NRG3: variants seen among roughly 807,000 people sequenced by gnomAD.
The protein encoded by NRG3 is neuregulin 3.
NRG3 carries 31 observed loss-of-function variants against 66.9 expected under a neutral mutation model. The observed-to-expected ratio is 0.46, with a 90% CI of 0.35 to 0.63. The LOEUF is 0.63. Ranked by LOEUF, NRG3 falls within the 20% of genes least tolerant of loss-of-function variation. NRG3 has a pLI of 0.00. For missense variants in NRG3, 910 were observed against 878.9 expected, an observed-to-expected ratio of 1.04 and a Z score of -0.45; for synonymous variants, 393 against 359.4, an observed-to-expected ratio of 1.09 and a Z score of -1.06.
At chr10:81,931,898 A>G (rs1847384097) in intron 1 of NRG3, among the ~76,000 whole-genome samples, 1 of 152,204 alleles carries the variant, frequency 6.6e-6, no homozygotes, top group African/African-American at 2.4e-5. Flanking sequence ...CAATGCCATT[A>G]CATCTCCCAT....
chr10:82,907,881 T>C (rs1439834353), intron 4 of NRG3, among the ~76,000 whole-genome samples: 3 of 152,184 alleles, frequency 2.0e-5, no homozygotes, highest in African/African-American at 7.2e-5. Context: ...AAATATATAT[T>C]GATCAAAGCA....
chr10:82,697,860 GGAC>G (rs2055518858), intron 2 of NRG3, among the ~76,000 whole-genome samples: 1 of 152,016 alleles, frequency 6.6e-6, no homozygotes, highest in African/African-American at 2.4e-5. Flanking sequence ...TGCGTTTCTG[GGAC>G]CCGTCAGTAT....
chr10:82,053,748 A>G (rs1474012276), intron 1 of NRG3, among the ~76,000 whole-genome samples: 1 of 152,226 alleles, frequency 6.6e-6, no homozygotes, highest in African/African-American at 2.4e-5. Flanking sequence ...TTGTAAGGAC[A>G]TAAACATTGT....
At chr10:82,270,432 G>T (rs1017415461) in intron 1 of NRG3, among the ~76,000 whole-genome samples, 8 of 152,068 alleles carry the variant, frequency 5.3e-5, no homozygotes, top group African/African-American at 1.9e-4. Context: ...GACTTTCCTT[G>T]TACTGAGGGC....
At chr10:82,735,615 G>A (rs1382880069) in intron 2 of NRG3, among the ~76,000 whole-genome samples, 1 of 152,154 alleles carries the variant, frequency 6.6e-6, no homozygotes, top group Admixed American at 6.5e-5. Flanking sequence ...CAGGGACATG[G>A]ATGAAGCTAG....
chr10:82,838,035 T>G (rs1429036348), intron 3 of NRG3, among the ~76,000 whole-genome samples: 2 of 152,158 alleles, frequency 1.3e-5, no homozygotes, highest in Non-Finnish European at 2.9e-5. Context: ...ATGCTTAATT[T>G]GAAAGAGTTG....
intron 2 of NRG3, among the ~76,000 whole-genome samples, chr10:82,635,477 T>G (rs2050129484): frequency 6.6e-6 from 1 of 151,908 alleles, no homozygotes; most frequent in African/African-American, 2.4e-5. Context: ...TCCTGTCTTC[T>G]GAGGGTGCTG....
chr10:82,832,389 C>T (rs1299637963), intron 3 of NRG3, among the ~76,000 whole-genome samples: 1 of 152,158 alleles, frequency 6.6e-6, no homozygotes, highest in Non-Finnish European at 1.5e-5. Context: ...GTACTCTTTT[C>T]CTTAAACCCC....
intron 2 of NRG3, among the ~76,000 whole-genome samples, chr10:82,411,582 G>T (rs1024688806): frequency 2.6e-5 from 4 of 152,106 alleles, no homozygotes; most frequent in African/African-American, 9.7e-5. Flanking sequence ...GAAAACTCCA[G>T]CCTAATCTTT....
chr10:82,132,808 G>T (rs541404686), intron 1 of NRG3, among the ~76,000 whole-genome samples: 1 of 151,154 alleles, frequency 6.6e-6, no homozygotes, highest in Non-Finnish European at 1.5e-5. Flanking sequence ...TTGGTAGGTT[G>T]TATGTATCTA....
At chr10:82,860,938 G>A (rs548203695) in intron 3 of NRG3, among the ~76,000 whole-genome samples, 15 of 152,248 alleles carry the variant, frequency 9.9e-5, no homozygotes, top group African/African-American at 3.4e-4. Context: ...TGCTTGCTTT[G>A]AGAAATAGCC....
chr10:82,142,921 A>G (rs1034176181), intron 1 of NRG3, among the ~76,000 whole-genome samples: 167 of 124,440 alleles, frequency 1.3e-3, no homozygotes, highest in African/African-American at 4.5e-3. Flanking sequence ...CACCTGGCTA[A>G]GTTTTTTTTT....
chr10:82,149,233 C>T (rs2070507197), intron 1 of NRG3, among the ~76,000 whole-genome samples: 1 of 152,060 alleles, frequency 6.6e-6, no homozygotes, highest in South Asian at 2.1e-4. Context: ...TTATTATCCC[C>T]AGTTGTTTGG....
intron 1 of NRG3, among the ~76,000 whole-genome samples, chr10:82,015,805 A>G (rs887222588): frequency 6.6e-6 from 1 of 151,866 alleles, no homozygotes; most frequent in Non-Finnish European, 1.5e-5. Context: ...GTATGGCATA[A>G]TTTAATTTCT....
intron 1 of NRG3, among the ~76,000 whole-genome samples, chr10:81,982,200 A>G (rs1157952615): frequency 1.3e-5 from 2 of 152,210 alleles, no homozygotes; most frequent in Non-Finnish European, 2.9e-5. Flanking sequence ...TTTGTCACCT[A>G]CAATTTCTAC....
intron 3 of NRG3, among the ~76,000 whole-genome samples, chr10:82,785,361 A>T (rs1006580049): frequency 5.3e-5 from 8 of 151,774 alleles, no homozygotes; most frequent in Non-Finnish European, 1.0e-4. Context: ...TAATAATAAT[A>T]AAAAAATTAA....
intron 1 of NRG3, among the ~76,000 whole-genome samples, chr10:82,090,049 C>T (rs534065478): frequency 1.3e-4 from 20 of 152,290 alleles, no homozygotes; most frequent in African/African-American, 4.6e-4. Context: ...ACTCTGAATA[C>T]ATAATATATA....
intron 1 of NRG3, among the ~76,000 whole-genome samples, chr10:81,975,345 CTATCT>C (rs1458298835): frequency 2.6e-5 from 4 of 151,730 alleles, no homozygotes. Flanking sequence ...ATCTATCTAT[CTATCT>C]ATCTATCTAT....
chr10:81,938,643 A>ATGTGTGTG (rs1564674211), intron 1 of NRG3, among the ~76,000 whole-genome samples: 5,551 of 145,654 alleles, frequency 0.038, 268 homozygotes, highest in African/African-American at 0.11. Flanking sequence ...GTGTGTGTGC[A>ATGTGTGTG]TGCATGCATG....
Sources: gnomAD v4.1 joint callset for allele counts (sites outside exome capture counted in the v4.1 genomes callset) on GRCh38, gnomAD v4.1.1 for gene constraint, MANE v1.5 for transcripts, NCBI Gene and HGNC (gene_info 2026-07-23, HGNC 2026-07-21) for gene names.